Variants in PPP1R14C observed in about 807,000 individuals in gnomAD.
PPP1R14C encodes the protein protein phosphatase 1 regulatory subunit 14C.
A neutral mutation model predicts 20.4 loss-of-function variants in PPP1R14C; 16 were observed. The observed-to-expected ratio is 0.78, with a 90% CI of 0.53 to 1.19. The LOEUF is 1.19. Among genes scored for constraint, PPP1R14C ranks in the 50% most tolerant of loss-of-function variants. The pLI is 0.00. For synonymous variants in PPP1R14C, 91 were observed against 91.0 expected, an observed-to-expected ratio of 1.00 and a Z score of 0.00; for missense variants, 211 against 220.1, an observed-to-expected ratio of 0.96 and a Z score of 0.26.
chr6:150,249,607 G>T lies in PPP1R14C; in HGVS notation c.*787G>T. ...AACCCTTAATTTGAAGAACTAACTT[G>T]ATTTCTAGAGAAATATCCACACTAT... On this transcript the variant is annotated 3_prime_UTR_variant, in exon 4 of 4. Transcript: ENST00000361131. 2.5e-6 allele frequency: 1 copy of T among 398,426 alleles called. No individual in the cohort carries two copies. Among genetic ancestry groups the T allele is most frequent in the South Asian group, 1.3e-4 (1 of 7,778 alleles). 24.7% of individuals were successfully genotyped at this position (398,426 alleles called of 1,614,324 possible). A position where few individuals can be genotyped will look rare whatever the true frequency, so the allele number is the denominator to read the frequency against.
intron 1 of PPP1R14C, among the ~76,000 whole-genome samples, chr6:150,208,307 A>G (rs1397866873): frequency 6.6e-6 from 1 of 151,970 alleles, no homozygotes; most frequent in Non-Finnish European, 1.5e-5. Flanking sequence ...CTATAGGGAA[A>G]CCCACTGACA....
At chr6:150,218,838 G>C (rs943626859) in intron 3 of PPP1R14C, among the ~76,000 whole-genome samples, 5 of 152,040 alleles carry the variant, frequency 3.3e-5, no homozygotes, top group Admixed American at 2.0e-4. Flanking sequence ...TTTTTATAGA[G>C]ACTGGGTCTC....
chr6:150,172,795 G>A (rs1195428270), intron 1 of PPP1R14C, among the ~76,000 whole-genome samples: 1 of 152,092 alleles, frequency 6.6e-6, no homozygotes, highest in Non-Finnish European at 1.5e-5. Context: ...GATAGTAACA[G>A]GAGATGACTC....
intron 1 of PPP1R14C, among the ~76,000 whole-genome samples, chr6:150,181,969 A>T (rs1031733137): frequency 8.5e-5 from 13 of 152,320 alleles, no homozygotes; most frequent in African/African-American, 3.1e-4. Flanking sequence ...TTGAAGTGGG[A>T]AATAGGATTC....
intron 1 of PPP1R14C, among the ~76,000 whole-genome samples, chr6:150,167,854 T>A (rs1466447756): frequency 9.8e-6 from 1 of 101,574 alleles, no homozygotes; most frequent in Non-Finnish European, 2.0e-5. Context: ...TGAATACTAG[T>A]TATCTGAAAT....
At chr6:150,144,717 ACT>A (rs1474900347) in intron 1 of PPP1R14C, among the ~76,000 whole-genome samples, 1 of 152,246 alleles carries the variant, frequency 6.6e-6, no homozygotes, top group African/African-American at 2.4e-5. Flanking sequence ...CATACTCGTT[ACT>A]GACTACTGAT....
chr6:150,190,847 T>G (rs1288775542), intron 1 of PPP1R14C, among the ~76,000 whole-genome samples: 2 of 152,202 alleles, frequency 1.3e-5, no homozygotes, highest in East Asian at 3.9e-4. Flanking sequence ...GTATTACTTT[T>G]GCAGCCCCTA....
intron 3 of PPP1R14C, among the ~76,000 whole-genome samples, chr6:150,242,937 A>G (rs1254372975): frequency 3.3e-5 from 5 of 152,206 alleles, no homozygotes; most frequent in Non-Finnish European, 5.9e-5. Context: ...TTACAATAAC[A>G]TCAACAATAT....
intron 1 of PPP1R14C, among the ~76,000 whole-genome samples, chr6:150,190,601 A>G (rs1777730197): frequency 6.6e-6 from 1 of 151,810 alleles, no homozygotes; most frequent in African/African-American, 2.4e-5. Flanking sequence ...TAATTTTTGT[A>G]TTTTTAGTAG....
rs183480879 is a variant in PPP1R14C at position 150,183,656 on chromosome 6, C to T, written c.307-31088C>T. ...CCTCCCAAGTAGCTGGGATTACAGG[C>T]GCCTGCCACTGCACCTGGCTAGTTT... is the stretch of plus-strand genomic sequence containing the variant. On this transcript the variant is annotated intron_variant, in intron 1 of 3. Transcript: ENST00000361131. 6.2e-3 allele frequency among the ~76,000 whole-genome samples: 950 copies of T among 152,238 alleles called. 11 individuals are homozygous for T. Among genetic ancestry groups the T allele is most frequent in the African/African-American group, 0.021 (883 of 41,542 alleles).
At chr6:150,174,935 C>T (rs1454553344) in intron 1 of PPP1R14C, among the ~76,000 whole-genome samples, 1 of 149,752 alleles carries the variant, frequency 6.7e-6, no homozygotes, top group Non-Finnish European at 1.5e-5. Context: ...CACTGCACTG[C>T]AGCCTGGGCG....
intron 1 of PPP1R14C, among the ~76,000 whole-genome samples, chr6:150,163,815 T>G (rs1191264657): frequency 6.6e-6 from 1 of 152,230 alleles, no homozygotes; most frequent in Non-Finnish European, 1.5e-5. Flanking sequence ...TTTGAGCTAT[T>G]CTGAATTGAG....
chr6:150,167,966 CTT>C (rs1465924735), intron 1 of PPP1R14C, among the ~76,000 whole-genome samples: 6 of 770 alleles, frequency 7.8e-3, no homozygotes, highest in Non-Finnish European at 0.017. Context: ...CTCCTCCCCT[CTT>C]TCTCTCCTTC....
chr6:150,245,555 G>T (rs1001101928), intron 3 of PPP1R14C, among the ~76,000 whole-genome samples: 2 of 152,230 alleles, frequency 1.3e-5, no homozygotes, highest in African/African-American at 4.8e-5. Context: ...AGGCCCGCCA[G>T]ATCTTCCCAA....
chr6:150,200,677 T>C (rs1777866251), intron 1 of PPP1R14C, among the ~76,000 whole-genome samples: 1 of 152,156 alleles, frequency 6.6e-6, no homozygotes, highest in Non-Finnish European at 1.5e-5. Flanking sequence ...TCCCCTACAT[T>C]TGTAACAGGA....
chr6:150,207,020 A>C (rs60476674), intron 1 of PPP1R14C, among the ~76,000 whole-genome samples: 25,397 of 151,492 alleles, frequency 0.17, 2,258 homozygotes, highest in African/African-American at 0.2. Context: ...ACATGCCACT[A>C]TCCTCGTCTA....
In PPP1R14C at chr6:150,162,274, C is replaced by T. The variant is rs180966313; in HGVS notation, c.306+18776C>T. ...TTCGCCATGTTGGCCAGCCTGATCT[C>T]GAACTCCTGACCTCAGGTGATCTGC... On this transcript the variant is annotated intron_variant, in intron 1 of 3. Coordinates refer to ENST00000361131, the MANE Select transcript of PPP1R14C (RefSeq NM_030949.3). Among the ~76,000 whole-genome samples, 349 of 152,272 alleles carry T rather than the reference C, an allele frequency of 2.3e-3. 2 individuals are homozygous for T. Among genetic ancestry groups the T allele is most frequent in the African/African-American group, 7.7e-3 (321 of 41,546 alleles).
At chr6:150,159,703 CAT>C (rs1237691282) in intron 1 of PPP1R14C, among the ~76,000 whole-genome samples, 1 of 151,930 alleles carries the variant, frequency 6.6e-6, no homozygotes, top group Non-Finnish European at 1.5e-5. Context: ...ACACTATTGC[CAT>C]ATACTCTGCA....
intron 1 of PPP1R14C, among the ~76,000 whole-genome samples, chr6:150,186,464 A>G (rs1205638596): frequency 2.0e-5 from 3 of 152,178 alleles, no homozygotes; most frequent in South Asian, 2.1e-4. Context: ...GTGACCTTCA[A>G]TACTGACTGA....
Sources: gnomAD v4.1 joint callset for allele counts (sites outside exome capture counted in the v4.1 genomes callset) on GRCh38, gnomAD v4.1.1 for gene constraint, MANE v1.5 for transcripts, NCBI Gene and HGNC (gene_info 2026-07-23, HGNC 2026-07-21) for gene names.